ARHGEF26: variants seen among roughly 807,000 people sequenced by gnomAD.
ARHGEF26 encodes Rho guanine nucleotide exchange factor 26.
A neutral mutation model predicts 89.4 loss-of-function variants in ARHGEF26; 59 were observed. The observed-to-expected ratio is 0.66, with a 90% CI of 0.54 to 0.82. The LOEUF is 0.82. Among genes scored for constraint, ARHGEF26 ranks in the 40% least tolerant of loss-of-function variants. The pLI, the probability that ARHGEF26 is intolerant of heterozygous loss-of-function variation, is 0.00. For synonymous variants in ARHGEF26, 500 were observed against 428.4 expected (o/e 1.17, Z -2.06); for missense variants, 1,234 against 1,085.6 (o/e 1.14, Z -1.92).
chr3:154,179,779 A>C lies in ARHGEF26; in HGVS notation c.1488-7906A>C, dbSNP rs1042153913. Reference sequence around the variant, plus strand: ...CAGATACTGGATGTTGGTTACTGGGAATGGAACAAGAGGTTAGAAGAGAGT... The same window carrying C: ...CAGATACTGGATGTTGGTTACTGGGCATGGAACAAGAGGTTAGAAGAGAGT... On this transcript the variant is annotated intron_variant, in intron 6 of 14. Transcript: ENST00000465093. 4.7e-4 allele frequency among the ~76,000 whole-genome samples: 71 copies of C among 152,218 alleles called. 2 individuals are homozygous for C. The highest frequency in any genetic ancestry group is 6.5e-5 in the Admixed American group (1 of 15,282).
intron 9 of ARHGEF26, among the ~76,000 whole-genome samples, chr3:154,201,173 G>GCC (rs1444688332): frequency 4.2e-4 from 52 of 124,450 alleles, no homozygotes; most frequent in African/African-American, 1.5e-3. Flanking sequence ...CCCACCACAG[G>GCC]CCCCAGTGTG....
intron 12 of ARHGEF26, among the ~76,000 whole-genome samples, chr3:154,241,932 C>T (rs1170923795): frequency 6.6e-6 from 1 of 152,124 alleles, no homozygotes; most frequent in African/African-American, 2.4e-5. Flanking sequence ...CTGGATTTTA[C>T]GAAGAACTGT....
chr3:154,255,548 T>C lies in ARHGEF26; in HGVS notation c.*75T>C, dbSNP rs574238956. ...GCTGGTTGGTTCTGGGCTAGTTTTA[T>C]TGTTAATTTTGTCACAGCCTATTTA... On this transcript the variant is annotated 3_prime_UTR_variant, in exon 15 of 15. Coordinates refer to ENST00000465093, the MANE Select transcript of ARHGEF26 (RefSeq NM_015595.4). 3 of 1,518,444 alleles carry C rather than the reference T, an allele frequency of 2.0e-6. No individual in the cohort carries two copies. The highest frequency in any genetic ancestry group is 2.4e-5 in the Admixed American group (1 of 41,642). 94.1% of individuals were successfully genotyped at this position (1,518,444 alleles called of 1,614,324 possible). A position where few individuals can be genotyped will look rare whatever the true frequency, so the allele number is the denominator to read the frequency against.
intron 4 of ARHGEF26, among the ~76,000 whole-genome samples, chr3:154,142,659 A>G (rs1346290783): frequency 3.9e-5 from 6 of 152,218 alleles, no homozygotes; most frequent in Non-Finnish European, 8.8e-5. Flanking sequence ...ATAGCAAGCA[A>G]AAATAAAATA....
intron 11 of ARHGEF26, among the ~76,000 whole-genome samples, chr3:154,226,502 G>A (rs144309562): frequency 6.6e-6 from 1 of 152,184 alleles, no homozygotes; most frequent in Non-Finnish European, 1.5e-5. Flanking sequence ...ACTCCCTTCT[G>A]AAGGGAATGA....
chr3:154,233,804 C>A (rs932064818), intron 11 of ARHGEF26, among the ~76,000 whole-genome samples: 5 of 152,342 alleles, frequency 3.3e-5, no homozygotes, highest in Admixed American at 1.3e-4. Flanking sequence ...GAAGCCATTT[C>A]ACTGGCCTGT....
intron 10 of ARHGEF26, among the ~76,000 whole-genome samples, chr3:154,220,808 C>T (rs1365379584): frequency 1.3e-5 from 2 of 151,966 alleles, no homozygotes; most frequent in African/African-American, 4.8e-5. Flanking sequence ...AGAAAAAAGT[C>T]CTAATTAATC....
intron 6 of ARHGEF26, among the ~76,000 whole-genome samples, chr3:154,163,075 A>T (rs1711767136): frequency 6.6e-6 from 1 of 152,106 alleles, no homozygotes; most frequent in Non-Finnish European, 1.5e-5. Context: ...TAATTGTCTT[A>T]CTTGTTTTTA....
At chr3:154,168,066 A>C (rs919499919) in intron 6 of ARHGEF26, among the ~76,000 whole-genome samples, 39 of 152,156 alleles carry the variant, frequency 2.6e-4, no homozygotes, top group African/African-American at 9.4e-4. Context: ...AGCTTATTTT[A>C]CTCTTTCACT....
At chr3:154,234,109 G>T (rs112773858) in intron 11 of ARHGEF26, among the ~76,000 whole-genome samples, 1 of 152,066 alleles carries the variant, frequency 6.6e-6, no homozygotes, top group African/African-American at 2.4e-5. Flanking sequence ...TCCATCTGTC[G>T]GATTTGGGCC....
intron 7 of ARHGEF26, among the ~76,000 whole-genome samples, chr3:154,190,091 T>C (rs1713857157): frequency 6.6e-6 from 1 of 152,120 alleles, no homozygotes. Flanking sequence ...GAGTACAATA[T>C]CCATCTACCT....
chr3:154,140,588 C>CTTT lies in ARHGEF26; in HGVS notation c.1270-8787_1270-8785dup, dbSNP rs34090306. Among the ~76,000 whole-genome samples, 34 of 134,882 alleles carry CTTT rather than the reference C, an allele frequency of 2.5e-4. 1 individual carries two copies. The highest frequency in any genetic ancestry group is 5.3e-4 in the African/African-American group (19 of 35,826). 88.5% of individuals were successfully genotyped at this position (134,882 alleles called of 152,430 possible). Reference sequence around the variant, plus strand: ...CCTGAATACTCAGGGTTTCTGAGTGCTTTTTTTTTTTTTTTTGAGATAGTC... The same window carrying CTTT: ...CCTGAATACTCAGGGTTTCTGAGTGCTTTTTTTTTTTTTTTTTTTGAGATAGTC... On this transcript the variant is annotated intron_variant, in intron 4 of 14. Coordinates refer to ENST00000465093, the MANE Select transcript of ARHGEF26 (RefSeq NM_015595.4).
chr3:154,123,322 T>TG (rs1020632577), intron 2 of ARHGEF26, among the ~76,000 whole-genome samples: 9 of 152,118 alleles, frequency 5.9e-5, no homozygotes, highest in South Asian at 2.1e-4. Context: ...CAGGCAGAAT[T>TG]GGGGGGGACA....
chr3:154,229,758 T>C (rs531376919), intron 11 of ARHGEF26, among the ~76,000 whole-genome samples: 2 of 152,304 alleles, frequency 1.3e-5, no homozygotes, highest in Non-Finnish European at 1.5e-5. Flanking sequence ...AAATCCCTGC[T>C]AGTTGACAAC....
intron 12 of ARHGEF26, among the ~76,000 whole-genome samples, chr3:154,242,494 A>G (rs1244506339): frequency 1.3e-5 from 2 of 152,220 alleles, no homozygotes; most frequent in Non-Finnish European, 2.9e-5. Flanking sequence ...CTGCAATCTC[A>G]TAATAAAACT....
intron 6 of ARHGEF26, among the ~76,000 whole-genome samples, chr3:154,165,498 G>T (rs1294799320): frequency 1.3e-5 from 2 of 152,072 alleles, no homozygotes; most frequent in Non-Finnish European, 2.9e-5. Flanking sequence ...TATTTTTCCG[G>T]ACTCTTTGAA....
rs756185996 is a variant in ARHGEF26 at position 154,257,045 on chromosome 3, A to C, written c.*1572A>C. On this transcript the variant is annotated 3_prime_UTR_variant, in exon 15 of 15. Coordinates refer to ENST00000465093, the MANE Select transcript of ARHGEF26 (RefSeq NM_015595.4). ...ATTGGAGGACTCAAATCTGTATGTG[A>C]CATGTCCCAACTACTGTCCGCTAAC... 4.9e-6 allele frequency: 7 copies of C among 1,423,250 alleles called. No individual in the cohort carries two copies. The highest frequency in any genetic ancestry group is 2.7e-5 in the Admixed American group (1 of 37,024). 88.2% of individuals were successfully genotyped at this position (1,423,250 alleles called of 1,614,324 possible). A position where few individuals can be genotyped will look rare whatever the true frequency, so the allele number is the denominator to read the frequency against.
At chr3:154,249,141 A>G (rs1358751197) in intron 12 of ARHGEF26, among the ~76,000 whole-genome samples, 2 of 152,214 alleles carry the variant, frequency 1.3e-5, no homozygotes, top group Non-Finnish European at 2.9e-5. Context: ...ATTTTTTTCT[A>G]TTGAGAAATC....
chr3:154,207,694 C>T (rs770456990), intron 9 of ARHGEF26, among the ~76,000 whole-genome samples: 16 of 152,130 alleles, frequency 1.1e-4, no homozygotes, highest in Non-Finnish European at 2.2e-4. Context: ...GTGGTGATTC[C>T]TTAAAGACCT....
Sources: allele counts gnomAD v4.1 joint callset (sites outside exome capture counted in the v4.1 genomes callset), GRCh38; gene constraint gnomAD v4.1.1; transcripts MANE v1.5; gene names NCBI Gene and HGNC (gene_info 2026-07-23, HGNC 2026-07-21).